GUCY1A1: variants seen among roughly 807,000 people sequenced by gnomAD.
The protein encoded by GUCY1A1 is guanylate cyclase soluble subunit alpha-1.
Under a neutral mutation model 64.5 loss-of-function variants are expected in GUCY1A1, and 48 were observed. The ratio of observed to expected loss-of-function variants is 0.74; its 90% CI spans 0.59 to 0.95. The LOEUF (loss-of-function observed/expected upper bound fraction) is 0.95. Among genes scored for constraint, GUCY1A1 ranks in the 40% least tolerant of loss-of-function variants. The probability of loss-of-function intolerance (pLI) is 0.00; values close to 1 mark genes in which losing one functional copy is unlikely to be tolerated. For missense variants in GUCY1A1, 804 were observed against 825.3 expected (o/e 0.97, Z 0.32); for synonymous variants, 308 against 303.4 (o/e 1.02, Z -0.16).
At chr4:155,699,912 G>A (rs1247980191) in intron 3 of GUCY1A1, among the ~76,000 whole-genome samples, 1 of 152,092 alleles carries the variant, frequency 6.6e-6, no homozygotes, top group African/African-American at 2.4e-5. Flanking sequence ...GAGAGAGGTC[G>A]TTCTCAAGTA....
At chr4:155,720,786 C>T (rs918783412) in intron 8 of GUCY1A1, among the ~76,000 whole-genome samples, 12 of 152,242 alleles carry the variant, frequency 7.9e-5, no homozygotes, top group East Asian at 3.9e-4. Context: ...TCATTCAAAA[C>T]GCATACATCT....
chr4:155,679,185 T>TGG (rs35558525), intron 2 of GUCY1A1, among the ~76,000 whole-genome samples: 1 of 148,010 alleles, frequency 6.8e-6, no homozygotes, highest in African/African-American at 2.5e-5. Context: ...AAATATTTCA[T>TGG]GTTTTTTTTT....
At position 155,713,141 on chromosome 4, in the gene GUCY1A1, G is replaced by A. The variant is rs1676068886; in HGVS notation, c.1130G>A (p.Ser377Asn). 2 of 1,613,468 alleles carry A rather than the reference G, an allele frequency of 1.2e-6. No individual in the cohort carries two copies. Among genetic ancestry groups the A allele is most frequent in the Non-Finnish European group, 1.7e-6 (2 of 1,179,442 alleles). The change falls in exon 7 of 10, where the codon AGT becomes AAT. Residue 377 changes from serine (S) to asparagine (N), a missense_variant. Transcript: ENST00000506455. ...KGQMIYIVES[S>N]AILFLGSPCV... ...CAAATGATCTACATTGTTGAATCCA[G>A]TGCAATCTTGTTTTTGGGGTCACCC...
rs146058913 is a variant in GUCY1A1, at chr4:155,706,079, G to A, written c.317+2086G>A. Among the ~76,000 whole-genome samples, 109 of 152,288 alleles carry A rather than the reference G, an allele frequency of 7.2e-4. 1 individual carries two copies. The highest frequency in any genetic ancestry group is 2.5e-3 in the African/African-American group (105 of 41,558). On this transcript the variant is annotated intron_variant, in intron 4 of 9. Coordinates refer to ENST00000506455, the MANE Select transcript of GUCY1A1 (RefSeq NM_001130682.3). ...TTCTTGCAATACTCAGTTATGATGT[G>A]TTTCCAGCAGTGTGCCTCTTAAAAT...
intron 2 of GUCY1A1, among the ~76,000 whole-genome samples, chr4:155,692,273 A>G (rs1307518074): frequency 1.3e-5 from 2 of 152,180 alleles, no homozygotes; most frequent in Non-Finnish European, 2.9e-5. Context: ...ATGTGTCTTT[A>G]TAATAGAATG....
chr4:155,708,961 A>C (rs1276500446), intron 5 of GUCY1A1, among the ~76,000 whole-genome samples: 2 of 152,164 alleles, frequency 1.3e-5, no homozygotes, highest in Non-Finnish European at 2.9e-5. Flanking sequence ...ATAGAAAGGG[A>C]AGATCATACA....
At chr4:155,707,385 T>C (rs1731919623) in intron 4 of GUCY1A1, among the ~76,000 whole-genome samples, 1 of 152,172 alleles carries the variant, frequency 6.6e-6, no homozygotes, top group African/African-American at 2.4e-5. Context: ...TAAAGTAGCA[T>C]AGAGTTAGGC....
In GUCY1A1 at chr4:155,717,320, T is replaced by C; in HGVS notation, c.1716+18T>C. 1 of 1,529,094 alleles carries C rather than the reference T, an allele frequency of 6.5e-7. No homozygotes were observed. Among genetic ancestry groups the C allele is most frequent in the South Asian group, 1.3e-5 (1 of 77,722 alleles). The allele number at this position is 1,529,094 out of a possible 1,614,324, so 94.7% of individuals were successfully genotyped here. On this transcript the variant is annotated intron_variant, in intron 8 of 9. Coordinates refer to ENST00000506455, the MANE Select transcript of GUCY1A1 (RefSeq NM_001130682.3). ...CTATCAAGGTAAGGCAGATGATATA[T>C]TGTCCAAAAGATGTCACAAGAGCAA...
chr4:155,680,456 G>GTA (rs904228583), intron 2 of GUCY1A1, among the ~76,000 whole-genome samples: 1 of 91,088 alleles, frequency 1.1e-5, no homozygotes, highest in African/African-American at 3.8e-5. Context: ...ACAATTTTAA[G>GTA]TATATGTGTG....
At chr4:155,679,098 G>A (rs1050332657) in intron 2 of GUCY1A1, among the ~76,000 whole-genome samples, 1 of 151,352 alleles carries the variant, frequency 6.6e-6, no homozygotes, top group Non-Finnish European at 1.5e-5. Flanking sequence ...TTGTGTTTTT[G>A]TTTATGTAAT....
chr4:155,709,883 T>A (rs1024585463), intron 5 of GUCY1A1, among the ~76,000 whole-genome samples: 1 of 152,120 alleles, frequency 6.6e-6, no homozygotes, highest in Non-Finnish European at 1.5e-5. Context: ...AACTCATGGC[T>A]TTTATGATAA....
rs1735927239 is a variant in GUCY1A1 at position 155,735,057 on chromosome 4, A to G, written c.*4826A>G. The G allele has an allele frequency of 6.6e-6, 1 of 151,844 alleles. No homozygotes were observed. The highest frequency in any genetic ancestry group is 2.4e-5 in the African/African-American group (1 of 41,370). 9.4% of individuals were successfully genotyped at this position (151,844 alleles called of 1,614,324 possible). Reference sequence around the variant, plus strand: ...TTTAAATGTTTCTTTTATTATATTGATGATGTGCACTCATTCAGTATTCTT... The same window carrying G: ...TTTAAATGTTTCTTTTATTATATTGGTGATGTGCACTCATTCAGTATTCTT... On this transcript the variant is annotated 3_prime_UTR_variant, in exon 10 of 10. Transcript: ENST00000506455.
At position 155,735,390 on chromosome 4, in the gene GUCY1A1, A is replaced by T. The variant is rs1478692385; in HGVS notation, c.*5159A>T. On this transcript the variant is annotated 3_prime_UTR_variant, in exon 10 of 10. Transcript: ENST00000506455. Reference sequence around the variant, plus strand: ...CCAGTGCAGTTTTTTCCATCATCATAAACTTAGTTTTATGAAAATGTTAAT... The same window carrying T: ...CCAGTGCAGTTTTTTCCATCATCATTAACTTAGTTTTATGAAAATGTTAAT... The T allele has an allele frequency of 6.6e-6, 1 of 151,958 alleles. No homozygotes were observed. The highest frequency in any genetic ancestry group is 1.5e-5 in the Non-Finnish European group (1 of 67,930). 9.4% of individuals were successfully genotyped at this position (151,958 alleles called of 1,614,324 possible).
At chr4:155,729,958 CAGTT>C (rs1185425382) in intron 9 of GUCY1A1, 68 bp from the exon 10 acceptor site, 10 of 888,314 alleles carry the variant, frequency 1.1e-5, no homozygotes, top group Non-Finnish European at 1.8e-5. Flanking sequence ...CAGTAACATT[CAGTT>C]AGTTATGTTG....
At chr4:155,691,499 C>A (rs1327497624) in intron 2 of GUCY1A1, among the ~76,000 whole-genome samples, 1 of 152,104 alleles carries the variant, frequency 6.6e-6, no homozygotes, top group African/African-American at 2.4e-5. Flanking sequence ...GAAAATTAAG[C>A]CTTTTTCCTT....
intron 2 of GUCY1A1, among the ~76,000 whole-genome samples, chr4:155,686,948 G>C (rs1250413052): frequency 6.6e-6 from 1 of 152,132 alleles, no homozygotes; most frequent in Non-Finnish European, 1.5e-5. Context: ...AAAAAGAACT[G>C]TTGACTTAGA....
At position 155,735,607 on chromosome 4, in the gene GUCY1A1, A is replaced by C. The variant is rs1215198447; in HGVS notation, c.*5376A>C. 1 of 152,024 alleles carries C rather than the reference A, an allele frequency of 6.6e-6. No homozygotes were observed. Among genetic ancestry groups the C allele is most frequent in the East Asian group, 1.9e-4 (1 of 5,166 alleles). The allele number at this position is 152,024 out of a possible 1,614,324, so 9.4% of individuals were successfully genotyped here. A position where few individuals can be genotyped will look rare whatever the true frequency, so the allele number is the denominator to read the frequency against. On this transcript the variant is annotated 3_prime_UTR_variant, in exon 10 of 10. Transcript: ENST00000506455. ...AGCCTTCCAGATTGTGAGGAAAATT[A>C]CTTGGCTGAAAATGACTTTGCATAA...
intron 2 of GUCY1A1, among the ~76,000 whole-genome samples, chr4:155,678,222 C>T (rs895592889): frequency 2.0e-5 from 3 of 152,084 alleles, no homozygotes; most frequent in African/African-American, 7.2e-5. Flanking sequence ...GAGAACTCTG[C>T]TGCAATCTGT....
rs2306555 is a variant in GUCY1A1 at position 155,722,024 on chromosome 4, T to A, written c.1717-14T>A. 581,323 of 1,572,882 alleles carry A rather than the reference T, an allele frequency of 0.37. 109,120 individuals carry two copies. The highest frequency in any genetic ancestry group is 0.48 in the African/African-American group (35,410 of 73,930). Reference sequence around the variant, plus strand: ...ACCAGTGACTGGGAACATCATGTTATTTTTTGCTTTCAGATGCGAATTGGA... The same window carrying A: ...ACCAGTGACTGGGAACATCATGTTAATTTTTGCTTTCAGATGCGAATTGGA... On this transcript the variant is annotated splice_polypyrimidine_tract_variant and intron_variant, in intron 8 of 9. Transcript: ENST00000506455.
Sources: gnomAD v4.1 joint callset for allele counts (sites outside exome capture counted in the v4.1 genomes callset) on GRCh38, gnomAD v4.1.1 for gene constraint, MANE v1.5 for transcripts, NCBI Gene and HGNC (gene_info 2026-07-23, HGNC 2026-07-21) for gene names.